Variants in DDX55 observed in about 807,000 individuals in gnomAD.
DDX55 encodes DEAD-box helicase 55.
In DDX55, 56 loss-of-function variants were observed where a neutral mutation model predicts 69.2. The ratio of observed to expected loss-of-function variants is 0.81; its 90% confidence interval spans 0.65 to 1.01. The LOEUF (loss-of-function observed/expected upper bound fraction) is 1.01, where lower values mean the gene tolerates loss of function less well. Among genes scored for constraint, DDX55 ranks in the 50% least tolerant of loss-of-function variants. DDX55 has a pLI of 0.00. For missense variants in DDX55, 720 were observed against 745.1 expected (o/e 0.97, Z 0.39); for synonymous variants, 268 against 273.1 (o/e 0.98, Z 0.18).
At chr12:123,611,706 GGA>G (rs1954257202) in intron 7 of DDX55, among the ~76,000 whole-genome samples, 1 of 152,208 alleles carries the variant, frequency 6.6e-6, no homozygotes, top group South Asian at 2.1e-4. Flanking sequence ...TAGTGTAACT[GGA>G]GAGTGTTGTC....
chr12:123,617,504 G>A (rs1308796783), intron 10 of DDX55, among the ~76,000 whole-genome samples: 4 of 152,212 alleles, frequency 2.6e-5, no homozygotes, highest in African/African-American at 9.6e-5. Context: ...TGTCCCACCT[G>A]TATGATCAGA....
chr12:123,613,394 T>C, intron 8 of DDX55, 142 bp downstream of exon 8: 2 of 814,324 alleles, frequency 2.5e-6, no homozygotes, highest in Non-Finnish European at 3.8e-6. Context: ...ACCCAACTTT[T>C]GTTGTCCGAA....
chr12:123,619,541 C>G lies in DDX55; in HGVS notation c.1443C>G (p.Thr481=). The G allele has an allele frequency of 6.2e-7, 1 of 1,613,752 alleles. No individual in the cohort carries two copies. Among genetic ancestry groups the G allele is most frequent in the Non-Finnish European group, 8.5e-7 (1 of 1,179,966 alleles). ...ATTTTGTGCCCGTGGACGTTAATAC[C>G]GACACGATTCCATTTAAAGATAAAA... ...FPDFVPVDVN[T]DTIPFKDKIR... is the part of the protein sequence containing the mutation. The change falls in exon 13 of 14, where the codon ACC becomes ACG. Residue 481 remains threonine, a synonymous_variant. Transcript: ENST00000238146.
At position 123,620,583 on chromosome 12, in the gene DDX55, TATATATA is replaced by T. The variant is rs1566210788; in HGVS notation, c.*444_*450del. ...CACATATAGACATATGTACATATTA[TATATATA>T]TATATATATATATATATATATATAT... On this transcript the variant is annotated 3_prime_UTR_variant, in exon 14 of 14. Coordinates refer to ENST00000238146, the MANE Select transcript of DDX55 (RefSeq NM_020936.3). 2.8e-3 allele frequency: 70 copies of T among 25,444 alleles called. 1 individual carries two copies. The highest frequency in any genetic ancestry group is 8.5e-3 in the African/African-American group (64 of 7,562). 1.6% of individuals were successfully genotyped at this position (25,444 alleles called of 1,614,324 possible). A position where few individuals can be genotyped will look rare whatever the true frequency, so the allele number is the denominator to read the frequency against.
At chr12:123,602,824 T>A (rs1420699816) in intron 1 of DDX55, among the ~76,000 whole-genome samples, 2 of 152,172 alleles carry the variant, frequency 1.3e-5, no homozygotes, top group South Asian at 4.1e-4. Context: ...GTAAGTGTTA[T>A]GAAAGAACTA....
At chr12:123,611,579 C>T (rs866164859) in intron 7 of DDX55, among the ~76,000 whole-genome samples, 1 of 152,216 alleles carries the variant, frequency 6.6e-6, no homozygotes, top group Non-Finnish European at 1.5e-5. Flanking sequence ...AGGCTGGTCT[C>T]GAAACCAGAA....
At chr12:123,619,831 G>C (rs1271830041) in intron 13 of DDX55, 107 bp downstream of exon 13, 2 of 1,517,346 alleles carry the variant, frequency 1.3e-6, no homozygotes, top group African/African-American at 2.8e-5. Context: ...TTACGTTGGC[G>C]ACCAGGGTGG....
rs1182980637 is a variant in DDX55 at position 123,613,152 on chromosome 12, T to G, written c.742-18T>G. The stretch of plus-strand genomic sequence containing the variant: ...TTGCCAAATATGTTTTTTATTAGTT[T>G]CCCTTTTTATTTTGCAGGTATGCAA... On this transcript the variant is annotated intron_variant, in intron 7 of 13. Transcript: ENST00000238146. 1 of 1,613,244 alleles carries G rather than the reference T, an allele frequency of 6.2e-7. No individual in the cohort carries two copies. The highest frequency in any genetic ancestry group is 1.7e-5 in the Admixed American group (1 of 59,988).
chr12:123,605,498 C>T (rs1034508715), intron 1 of DDX55: 4 of 311,988 alleles, frequency 1.3e-5, no homozygotes, highest in Non-Finnish European at 2.5e-5. Flanking sequence ...GGAGCAGCCT[C>T]CAGGCCAAGG....
chr12:123,618,031 TTTG>T, intron 11 of DDX55, 159 bp downstream of exon 11: 1 of 623,666 alleles, frequency 1.6e-6, no homozygotes, highest in Non-Finnish European at 2.7e-6. Context: ...TTTTTTTTTT[TTTG>T]AGACGGAGTT....
At chr12:123,616,862 C>T in intron 10 of DDX55, 1 of 429,866 alleles carries the variant, frequency 2.3e-6, no homozygotes, top group South Asian at 2.3e-5. Flanking sequence ...AAAACAACAA[C>T]ATTATTTGAG....
Position 123,608,502 on chromosome 12 carries a change from C to T in DDX55, c.402-178C>T, listed in dbSNP as rs73414259. The T allele has an allele frequency of 3.4e-3, 2,376 of 698,030 alleles. 48 individuals carry two copies. The African/African-American group carries it at 0.037, about 11-fold the overall frequency. The allele number at this position is 698,030 out of a possible 1,614,324, so 43.2% of individuals were successfully genotyped here. A position where few individuals can be genotyped will look rare whatever the true frequency, so the allele number is the denominator to read the frequency against. On this transcript the variant is annotated intron_variant, in intron 5 of 13. Coordinates refer to ENST00000238146, the MANE Select transcript of DDX55 (RefSeq NM_020936.3). ...AGGTCATAGCCCAGAACCCAGATCC[C>T]GTCTCACCACAGCCCTCAGTCTTTC...
chr12:123,616,479 CT>C (rs774420310), intron 9 of DDX55, 31 bp from the exon 10 acceptor site: 2 of 1,606,576 alleles, frequency 1.2e-6, no homozygotes, highest in Non-Finnish European at 8.5e-7. Context: ...TGGTGGCCTC[CT>C]TACTCAGAAT....
At chr12:123,618,462 G>T in intron 11 of DDX55, 1 of 1,471,806 alleles carries the variant, frequency 6.8e-7, no homozygotes, top group Non-Finnish European at 9.2e-7. Flanking sequence ...GATTAGGATT[G>T]TCATGTGAAA....
chr12:123,614,554 G>A (rs1031480112), intron 8 of DDX55, among the ~76,000 whole-genome samples: 2 of 152,182 alleles, frequency 1.3e-5, no homozygotes, highest in African/African-American at 4.8e-5. Flanking sequence ...GCCGGGTAAG[G>A]AGCTCACAGA....
At chr12:123,619,842 G>A (rs760130973) in intron 13 of DDX55, 118 bp downstream of exon 13, 110 of 1,518,710 alleles carry the variant, frequency 7.2e-5, no homozygotes, top group Non-Finnish European at 8.1e-5. Context: ...ACCAGGGTGG[G>A]GAATTTGCTC....
Position 123,620,166 on chromosome 12 carries a change from A to G in DDX55, c.*26A>G, listed in dbSNP as rs1955038116. ...TTCCAGTGCCACAGATGAACCCACA[A>G]GGACATAGCTGTTCCCTAACTTGGT... On this transcript the variant is annotated 3_prime_UTR_variant, in exon 14 of 14. Coordinates refer to ENST00000238146, the MANE Select transcript of DDX55 (RefSeq NM_020936.3). The G allele has an allele frequency of 6.3e-7, 1 of 1,591,646 alleles. No homozygotes were observed. Among genetic ancestry groups the G allele is most frequent in the Admixed American group, 1.8e-5 (1 of 56,702 alleles).
At chr12:123,607,812 T>A in intron 5 of DDX55, 150 bp downstream of exon 5, 1 of 1,066,166 alleles carries the variant, frequency 9.4e-7, no homozygotes, top group Non-Finnish European at 1.4e-6. Flanking sequence ...CTTCCCATTG[T>A]GCTTTGCTGG....
At position 123,619,449 on chromosome 12, in the gene DDX55, C is replaced by T. The variant is rs1171281629; in HGVS notation, c.1351C>T (p.Leu451Phe). ...TGAATCAGATCTTGATTTTGCCAGC[C>T]TTGCTCGAGGTTTTGCCCTGCTGAG... is the stretch of plus-strand genomic sequence containing the variant. ...FRLKDLDFASLARGFALLRMP... is the reference protein window; with the variant it reads ...FRLKDLDFASFARGFALLRMP... The change falls in exon 13 of 14, where the codon CTT (leucine) becomes TTT (phenylalanine). Residue 451 changes from leucine to phenylalanine, a missense_variant. By Grantham distance (22) the Leu-to-Phe change is conservative (BLOSUM62 0). Transcript: ENST00000238146. 6.2e-7 allele frequency: 1 copy of T among 1,612,292 alleles called. No individual in the cohort carries two copies. The highest frequency in any genetic ancestry group is 2.2e-5 in the East Asian group (1 of 44,888).
Sources: allele counts gnomAD v4.1 joint callset (sites outside exome capture counted in the v4.1 genomes callset), GRCh38; gene constraint gnomAD v4.1.1; transcripts MANE v1.5; gene names NCBI Gene and HGNC (gene_info 2026-07-23, HGNC 2026-07-21).